TMEM266: variants seen among roughly 807,000 people sequenced by gnomAD.
TMEM266 encodes the protein transmembrane protein 266.
In TMEM266, 33 loss-of-function variants were observed where a neutral mutation model predicts 50.5. The observed-to-expected ratio is 0.65, with a 90% confidence interval of 0.50 to 0.87. The LOEUF is 0.87. Ranked by LOEUF, TMEM266 falls within the 40% of genes least tolerant of loss-of-function variation. TMEM266 has a pLI of 0.00. For synonymous variants in TMEM266, 310 were observed against 292.3 expected (o/e 1.06, Z -0.62); for missense variants, 655 against 695.1 (o/e 0.94, Z 0.65).
chr15:76,181,779 T>G (rs551758827), intron 8 of TMEM266, among the ~76,000 whole-genome samples: 7 of 152,322 alleles, frequency 4.6e-5, no homozygotes, highest in African/African-American at 1.7e-4. Context: ...TATACTCTTC[T>G]GACTCATCTC....
In TMEM266 at chr15:76,204,188, A is replaced by G. The variant is rs771848584; in HGVS notation, c.1469A>G (p.Gln490Arg). 29 of 1,613,914 alleles carry G rather than the reference A, an allele frequency of 1.8e-5. No individual in the cohort carries two copies. In the South Asian group the frequency reaches 3.0e-4, roughly 16 times the overall value. The change falls in exon 11 of 11, where the codon CAG becomes CGG. Residue 490 changes from glutamine (Q) to arginine (R), a missense_variant. Around this residue, in one of 3 missense-constraint regions of TMEM266, gnomAD observed 455 missense variants for 401.8 expected, o/e 1.13. Transcript: ENST00000388942. ...GTAAGTCTGTTCAACCAGAAGAACCAGGAGGGCTTCACTGTCTTTCAGATC... is the reference window on the plus strand; with the variant it reads ...GTAAGTCTGTTCAACCAGAAGAACCGGGAGGGCTTCACTGTCTTTCAGATC...
intron 8 of TMEM266, among the ~76,000 whole-genome samples, chr15:76,190,815 A>C (rs2038556036): frequency 6.6e-6 from 1 of 152,126 alleles, no homozygotes. Context: ...GGCGAGGTGC[A>C]TTTGCGCGGC....
Position 76,171,068 on chromosome 15 carries a change from C to T in TMEM266, c.589C>T (p.Pro197Ser), listed in dbSNP as rs2038180556. 1 of 1,613,178 alleles carries T rather than the reference C, an allele frequency of 6.2e-7. No individual in the cohort carries two copies. Among genetic ancestry groups the T allele is most frequent in the South Asian group, 1.1e-5 (1 of 90,804 alleles). Reference sequence around the variant, plus strand: ...CACTGTGGCCAATGGACCCAGGAGCCCCTGGGACGCCATCAGCCTCATCAT... The same window carrying T: ...CACTGTGGCCAATGGACCCAGGAGCTCCTGGGACGCCATCAGCCTCATCAT... The change falls in exon 7 of 11, where the codon CCC (proline) becomes TCC (serine). Residue 197 changes from proline (P) to serine (S), a missense_variant. This residue lies in a region of TMEM266 where 101 missense variants were observed against 182.6 expected (regional missense o/e 0.55). Coordinates refer to ENST00000388942, the MANE Select transcript of TMEM266 (RefSeq NM_152335.3).
chr15:76,127,935 A>G (rs543468741), intron 1 of TMEM266, among the ~76,000 whole-genome samples: 2 of 152,292 alleles, frequency 1.3e-5, no homozygotes, highest in Admixed American at 6.5e-5. Context: ...TAGAAATTTC[A>G]TGGGCGGAGC....
intron 7 of TMEM266, among the ~76,000 whole-genome samples, chr15:76,172,364 C>A (rs1240654427): frequency 3.3e-5 from 5 of 152,210 alleles, no homozygotes; most frequent in African/African-American, 4.8e-5. Context: ...GGTTTTAAAA[C>A]CACTGGGATA....
rs28630934 is a variant in TMEM266 at position 76,135,873 on chromosome 15, T to A, written c.38+1572T>A. Among the ~76,000 whole-genome samples, 1,079 of 152,076 alleles carry A rather than the reference T, an allele frequency of 7.1e-3. 7 individuals carry two copies. The highest frequency in any genetic ancestry group is 0.025 in the African/African-American group (1,028 of 41,502). On this transcript the variant is annotated intron_variant, in intron 2 of 10. Coordinates refer to ENST00000388942, the MANE Select transcript of TMEM266 (RefSeq NM_152335.3). The stretch of plus-strand genomic sequence containing the variant: ...AAAAATCTCACTTTCTCCTTAGTTA[T>A]CGGATAATCCAAGCAAAAGAGAAGT...
rs148163847 is a variant in TMEM266, at chr15:76,079,045, C to T, written c.-97+19029C>T. ...CCCAGGTTATTGCCATCTTGGCATT[C>T]GTATTCTGAGCTCAGAAGGTCACAG... On this transcript the variant is annotated intron_variant, in intron 1 of 10. Transcript: ENST00000388942. Among the ~76,000 whole-genome samples, 382 of 152,292 alleles carry T rather than the reference C, an allele frequency of 2.5e-3. 3 individuals are homozygous for T. The highest frequency in any genetic ancestry group is 4.2e-3 in the Non-Finnish European group (284 of 68,024).
chr15:76,074,046 A>C (rs1429164701), intron 1 of TMEM266, among the ~76,000 whole-genome samples: 1 of 152,090 alleles, frequency 6.6e-6, no homozygotes, highest in Non-Finnish European at 1.5e-5. Context: ...ATGGCTTTTC[A>C]TGTGTTTTTA....
chr15:76,071,578 C>T (rs2036540197), intron 1 of TMEM266, among the ~76,000 whole-genome samples: 1 of 152,206 alleles, frequency 6.6e-6, no homozygotes, highest in Non-Finnish European at 1.5e-5. Context: ...CTCATAAGGC[C>T]TCTTGAGAAA....
intron 1 of TMEM266, among the ~76,000 whole-genome samples, chr15:76,067,283 G>A (rs879580456): frequency 5.3e-5 from 8 of 152,140 alleles, no homozygotes; most frequent in Non-Finnish European, 1.0e-4. Context: ...TTACAGAAAT[G>A]CAGACCATCT....
chr15:76,099,009 G>A (rs1320517202), intron 1 of TMEM266, among the ~76,000 whole-genome samples: 1 of 152,174 alleles, frequency 6.6e-6, no homozygotes, highest in East Asian at 1.9e-4. Flanking sequence ...ATCTTACTTT[G>A]CTGGGCTCCA....
Position 76,175,633 on chromosome 15 carries a change from G to A in TMEM266, c.727G>A (p.Glu243Lys), listed in dbSNP as rs769321159. ...CGAGAAGGCCAAGGTCATCCAAGACGAGCAGCTGGAGAGGCTGACGCAGAT... is the reference window on the plus strand; with the variant it reads ...CGAGAAGGCCAAGGTCATCCAAGACAAGCAGCTGGAGAGGCTGACGCAGAT... Residue 243 changes from glutamate to lysine, a missense_variant, in exon 8 of 11, where the codon GAG (glutamate) becomes AAG (lysine). Around this residue, in one of 3 missense-constraint regions of TMEM266, gnomAD observed 455 missense variants for 401.8 expected, o/e 1.13. Coordinates refer to ENST00000388942, the MANE Select transcript of TMEM266 (RefSeq NM_152335.3). The A allele has an allele frequency of 4.3e-6, 7 of 1,614,174 alleles. No homozygotes were observed. Among genetic ancestry groups the A allele is most frequent in the Non-Finnish European group, 5.9e-6 (7 of 1,180,016 alleles).
At chr15:76,084,588 GT>G (rs1250788444) in intron 1 of TMEM266, among the ~76,000 whole-genome samples, 2 of 134,522 alleles carry the variant, frequency 1.5e-5, no homozygotes, top group South Asian at 4.4e-4. Context: ...AGAGATGAGG[GT>G]TTTTTTTGGT....
chr15:76,089,524 C>G (rs78362257), intron 1 of TMEM266, among the ~76,000 whole-genome samples: 1 of 151,858 alleles, frequency 6.6e-6, no homozygotes, highest in Non-Finnish European at 1.5e-5. Flanking sequence ...TTGTAGAATT[C>G]GTGGGGTTGA....
In TMEM266 at chr15:76,139,888, G is replaced by T. The variant is rs138896097; in HGVS notation, c.227+1993G>T. Among the ~76,000 whole-genome samples the T allele has an allele frequency of 2.6e-3, 392 of 152,288 alleles. No individual in the cohort carries two copies. Among genetic ancestry groups the T allele is most frequent in the African/African-American group, 9.0e-3 (373 of 41,562 alleles). On this transcript the variant is annotated intron_variant, in intron 3 of 10. Transcript: ENST00000388942. This position sits in a 1 kb window ranked among gnomAD's most constrained non-coding sequence, Gnocchi z 4.1. ...GGCACCGCGGGTGGACCTTGCTATG[G>T]GTGTTCCCCCACCAGGTGTACCACC... is the stretch of plus-strand genomic sequence containing the variant.
chr15:76,079,352 CAAA>C (rs59189205), intron 1 of TMEM266, among the ~76,000 whole-genome samples: 1 of 141,858 alleles, frequency 7.0e-6, no homozygotes, highest in African/African-American at 2.6e-5. Context: ...GACACCATCT[CAAA>C]AAAAAAAACA....
At chr15:76,095,559 A>G (rs1308788079) in intron 1 of TMEM266, among the ~76,000 whole-genome samples, 2 of 152,006 alleles carry the variant, frequency 1.3e-5, no homozygotes, top group African/African-American at 4.8e-5. Context: ...CATCAGGGAT[A>G]TTGGCCTGAA....
chr15:76,136,002 G>T (rs2037582631), intron 2 of TMEM266, among the ~76,000 whole-genome samples: 2 of 150,974 alleles, frequency 1.3e-5, no homozygotes, highest in Non-Finnish European at 2.9e-5. Context: ...GGAGTGCAAT[G>T]GCCCAATCTC....
intron 1 of TMEM266, among the ~76,000 whole-genome samples, chr15:76,131,000 C>T (rs2037502769): frequency 6.6e-6 from 1 of 152,080 alleles, no homozygotes; most frequent in Admixed American, 6.6e-5. Flanking sequence ...AATTTGCCTG[C>T]CCAGAGAGAC....
Sources: allele counts gnomAD v4.1 joint callset (sites outside exome capture counted in the v4.1 genomes callset), GRCh38; gene constraint gnomAD v4.1.1; regional missense constraint gnomAD v4.1.1; non-coding constraint Gnocchi (gnomAD v3.1); transcripts MANE v1.5; gene names NCBI Gene and HGNC (gene_info 2026-07-23, HGNC 2026-07-21).